The following SLC25A21 variants were observed in gnomAD, a reference collection of about 807,000 sequenced individuals.
SLC25A21 encodes the protein solute carrier family 25 member 21, also known as mitochondrial 2-oxodicarboxylate carrier.
SLC25A21 carries 47 observed loss-of-function variants against 43.8 expected under a neutral mutation model. The observed-to-expected ratio is 1.07, with a 90% CI of 0.85 to 1.37. SLC25A21 has a LOEUF of 1.37. Ranked by LOEUF, SLC25A21 falls within the 40% of genes most tolerant of loss-of-function variation. The pLI, the probability that SLC25A21 is intolerant of heterozygous loss-of-function variation, is 0.00. For missense variants in SLC25A21, 352 were observed against 350.2 expected (o/e 1.00, Z -0.04); for synonymous variants, 131 against 121.3 (o/e 1.08, Z -0.52).
Position 36,678,820 on chromosome 14 carries a change from A to G in SLC25A21, c.*1838T>C, listed in dbSNP as rs1882039679. ...GTTTCCTTTTCTCCCTCTAGGTCTT[A>G]ACAGTGAATTCACATGGAGTAATTT... On this transcript the variant is annotated 3_prime_UTR_variant, in exon 10 of 10. Coordinates refer to ENST00000331299, the MANE Select transcript of SLC25A21 (RefSeq NM_030631.4). 1 of 998,020 alleles carries G rather than the reference A, an allele frequency of 1.0e-6. No individual in the cohort carries two copies. Among genetic ancestry groups the G allele is most frequent in the African/African-American group, 1.7e-5 (1 of 58,528 alleles). 61.8% of individuals were successfully genotyped at this position (998,020 alleles called of 1,614,324 possible).
At chr14:36,695,444 G>A (rs1882974950) in intron 7 of SLC25A21, among the ~76,000 whole-genome samples, 1 of 152,160 alleles carries the variant, frequency 6.6e-6, no homozygotes, top group Non-Finnish European at 1.5e-5. Context: ...CCAATTGTGT[G>A]AAGAAAGTCA....
At chr14:37,014,687 C>T (rs1156650337) in intron 1 of SLC25A21, among the ~76,000 whole-genome samples, 1 of 152,050 alleles carries the variant, frequency 6.6e-6, no homozygotes, top group African/African-American at 2.4e-5. Flanking sequence ...ACTTATTTTG[C>T]CCAGATCCAT....
chr14:37,116,071 A>G (rs972635888), intron 1 of SLC25A21, among the ~76,000 whole-genome samples: 1 of 152,176 alleles, frequency 6.6e-6, no homozygotes, highest in Non-Finnish European at 1.5e-5. Flanking sequence ...AAGAAAACTC[A>G]AAGAGTTTTG....
At chr14:36,758,988 A>T (rs1886040348) in intron 3 of SLC25A21, among the ~76,000 whole-genome samples, 2 of 152,346 alleles carry the variant, frequency 1.3e-5, no homozygotes, top group Non-Finnish European at 2.9e-5. Context: ...AACAACCCAG[A>T]GACACATGGG....
chr14:36,903,261 A>G (rs915538701), intron 1 of SLC25A21, among the ~76,000 whole-genome samples: 18 of 152,140 alleles, frequency 1.2e-4, no homozygotes, highest in Non-Finnish European at 2.1e-4. Context: ...GCCATTTCAT[A>G]GCTCGCCCAA....
chr14:36,725,892 A>C (rs1884584786), intron 5 of SLC25A21, among the ~76,000 whole-genome samples: 1 of 152,198 alleles, frequency 6.6e-6, no homozygotes, highest in Admixed American at 6.5e-5. Flanking sequence ...ACATCCTAAC[A>C]ATTTCAAAAT....
chr14:36,763,623 G>C (rs921564179), intron 3 of SLC25A21, among the ~76,000 whole-genome samples: 7 of 152,092 alleles, frequency 4.6e-5, no homozygotes, highest in Non-Finnish European at 8.8e-5. Flanking sequence ...GCTTTTTACT[G>C]TTGTAGAGGG....
chr14:37,095,812 GCGCA>G (rs1328608434), intron 1 of SLC25A21, among the ~76,000 whole-genome samples: 1 of 32,596 alleles, frequency 3.1e-5, no homozygotes, highest in African/African-American at 6.2e-5. Flanking sequence ...ACACACACAC[GCGCA>G]CGCACACACA....
chr14:36,876,764 CT>C (rs1890538284), intron 1 of SLC25A21, among the ~76,000 whole-genome samples: 1 of 151,624 alleles, frequency 6.6e-6, no homozygotes, highest in Non-Finnish European at 1.5e-5. Context: ...CCTAGAATAA[CT>C]TTGAGGTTTA....
chr14:37,102,973 G>C (rs1371516714), intron 1 of SLC25A21, among the ~76,000 whole-genome samples: 2 of 150,566 alleles, frequency 1.3e-5, no homozygotes, highest in Non-Finnish European at 2.9e-5. Context: ...CTAGGCAACA[G>C]AGTGAGACTG....
intron 3 of SLC25A21, among the ~76,000 whole-genome samples, chr14:36,761,373 C>A (rs1325536): frequency 6.6e-6 from 1 of 152,112 alleles, no homozygotes; most frequent in Non-Finnish European, 1.5e-5. Flanking sequence ...GCTGTGACTG[C>A]GCTCCTCTCT....
intron 1 of SLC25A21, among the ~76,000 whole-genome samples, chr14:36,978,460 A>G (rs1307587799): frequency 6.6e-6 from 1 of 152,218 alleles, no homozygotes; most frequent in Non-Finnish European, 1.5e-5. Context: ...TGTTGCTAGG[A>G]AAATGGCACT....
At chr14:36,877,924 G>T in intron 1 of SLC25A21, among the ~76,000 whole-genome samples, 1 of 152,134 alleles carries the variant, frequency 6.6e-6, no homozygotes, top group African/African-American at 2.4e-5. Flanking sequence ...GCTCTTGGTT[G>T]TTTTTTCTTA....
chr14:36,961,579 C>A (rs1193376445), intron 1 of SLC25A21, among the ~76,000 whole-genome samples: 2 of 152,090 alleles, frequency 1.3e-5, no homozygotes, highest in African/African-American at 4.8e-5. Flanking sequence ...GGTGCTGGCT[C>A]CCTTACTGTC....
rs143372112 is a variant in SLC25A21 at position 37,125,344 on chromosome 14, G to C, written c.70+46937C>G. Among the ~76,000 whole-genome samples the C allele has an allele frequency of 3.4e-3, 516 of 152,232 alleles. 3 individuals are homozygous for C. Among genetic ancestry groups the C allele is most frequent in the Middle Eastern group, 0.01 (3 of 294 alleles). ...AAACAGCTATGAAAATATTCTCCAA[G>C]GGTCCAGAGTCTACAATCCACAAGC... On this transcript the variant is annotated intron_variant, in intron 1 of 9. Coordinates refer to ENST00000331299, the MANE Select transcript of SLC25A21 (RefSeq NM_030631.4).
intron 1 of SLC25A21, among the ~76,000 whole-genome samples, chr14:36,928,873 T>C (rs535055389): frequency 3.3e-5 from 5 of 152,250 alleles, no homozygotes; most frequent in African/African-American, 1.2e-4. Flanking sequence ...ACTAACACTA[T>C]AAGCATCAAT....
intron 3 of SLC25A21, among the ~76,000 whole-genome samples, chr14:36,751,918 A>T (rs1008096103): frequency 1.3e-5 from 2 of 152,170 alleles, no homozygotes; most frequent in South Asian, 4.1e-4. Flanking sequence ...AAAGATTTGG[A>T]GTCTATATTT....
intron 1 of SLC25A21, among the ~76,000 whole-genome samples, chr14:36,907,091 A>G (rs1891555648): frequency 6.6e-6 from 1 of 152,212 alleles, no homozygotes. Flanking sequence ...TGAAAACTGC[A>G]AAGTAATACT....
At chr14:36,758,983 C>T (rs1362195166) in intron 3 of SLC25A21, among the ~76,000 whole-genome samples, 1 of 152,182 alleles carries the variant, frequency 6.6e-6, no homozygotes, top group East Asian at 1.9e-4. Context: ...TGAGCAACAA[C>T]CCAGAGACAC....
Sources: allele counts gnomAD v4.1 joint callset (sites outside exome capture counted in the v4.1 genomes callset), GRCh38; gene constraint gnomAD v4.1.1; transcripts MANE v1.5; gene names NCBI Gene and HGNC (gene_info 2026-07-23, HGNC 2026-07-21).